The following WDPCP variants were observed in gnomAD, a reference collection of about 807,000 sequenced individuals.
WDPCP encodes WD repeat-containing and planar cell polarity effector protein fritz homolog.
A neutral mutation model predicts 93.1 loss-of-function variants in WDPCP; 71 were observed. That is an observed-to-expected ratio of 0.76 (90% CI 0.63 to 0.93). The LOEUF (loss-of-function observed/expected upper bound fraction) is 0.93, where lower values mean the gene tolerates loss of function less well. Among genes scored for constraint, WDPCP ranks in the 40% least tolerant of loss-of-function variants. The probability of loss-of-function intolerance (pLI) is 0.00; values close to 1 mark genes in which losing one functional copy is unlikely to be tolerated. For missense variants in WDPCP, 844 were observed against 887.4 expected (o/e 0.95, Z 0.62); for synonymous variants, 315 against 315.0 (o/e 1.00, Z 0.00).
intron 15 of WDPCP, among the ~76,000 whole-genome samples, chr2:63,160,032 A>G (rs1232679003): frequency 2.6e-5 from 4 of 152,164 alleles, no homozygotes; most frequent in Non-Finnish European, 5.9e-5. Context: ...ACTAAAGGAA[A>G]ACACACTAGT....
chr2:63,298,195 A>T (rs1230564326), intron 13 of WDPCP, among the ~76,000 whole-genome samples: 1 of 152,104 alleles, frequency 6.6e-6, no homozygotes, highest in Non-Finnish European at 1.5e-5. Flanking sequence ...GCCCATAACA[A>T]TCCCCAAGGG....
chr2:63,644,340 G>T (rs906423195), intron 3 of WDPCP, among the ~76,000 whole-genome samples: 1 of 151,394 alleles, frequency 6.6e-6, no homozygotes, highest in African/African-American at 2.4e-5. Context: ...CGCCTCCTGG[G>T]TTCAAGCAAT....
chr2:63,243,167 T>C lies in WDPCP; in HGVS notation c.1915+16140A>G, dbSNP rs201514385. 3.9e-5 allele frequency among the ~76,000 whole-genome samples: 6 copies of C among 152,278 alleles called. No individual in the cohort carries two copies. In the East Asian group the frequency reaches 1.2e-3, roughly 29 times the overall value. On this transcript the variant is annotated intron_variant, in intron 14 of 17. Transcript: ENST00000272321. ...TGCTAGAAATGACACAATATAAAAATACAGTCTTATTTAAGGGAAAACTTA... is the reference window on the plus strand; with the variant it reads ...TGCTAGAAATGACACAATATAAAAACACAGTCTTATTTAAGGGAAAACTTA...
intron 1 of WDPCP, among the ~76,000 whole-genome samples, chr2:63,553,876 A>G (rs1432558916): frequency 6.6e-6 from 1 of 152,220 alleles, no homozygotes; most frequent in Admixed American, 6.5e-5. Context: ...AAACACACAC[A>G]AATTTATTTC....
intron 1 of WDPCP, among the ~76,000 whole-genome samples, chr2:63,520,089 A>G (rs1269972050): frequency 6.6e-6 from 1 of 152,240 alleles, no homozygotes; most frequent in Non-Finnish European, 1.5e-5. Flanking sequence ...TCATAATTAA[A>G]TCACAAATAT....
chr2:63,782,821 G>A (rs1670415265), intron 2 of WDPCP, among the ~76,000 whole-genome samples: 1 of 151,236 alleles, frequency 6.6e-6, no homozygotes. Flanking sequence ...GGACAACCTG[G>A]AGCCATCACA....
chr2:63,415,069 C>T (rs1695314910), intron 9 of WDPCP, among the ~76,000 whole-genome samples: 1 of 152,042 alleles, frequency 6.6e-6, no homozygotes, highest in South Asian at 2.1e-4. Flanking sequence ...ATTAAAGATA[C>T]CATAAAAGTT....
intron 12 of WDPCP, among the ~76,000 whole-genome samples, chr2:63,342,658 C>T (rs1415744305): frequency 1.3e-5 from 2 of 152,094 alleles, no homozygotes; most frequent in African/African-American, 2.4e-5. Flanking sequence ...CTCTATCTAC[C>T]CTGTTATTAT....
intron 12 of WDPCP, among the ~76,000 whole-genome samples, chr2:63,325,586 C>G (rs571731786): frequency 1.3e-5 from 2 of 152,306 alleles, no homozygotes; most frequent in East Asian, 3.9e-4. Context: ...CGTTACCGTC[C>G]GAGAAATCCT....
chr2:63,274,667 T>C (rs922587716), intron 13 of WDPCP, among the ~76,000 whole-genome samples: 2 of 152,090 alleles, frequency 1.3e-5, no homozygotes, highest in Non-Finnish European at 2.9e-5. Context: ...TCTGAGACTT[T>C]TATGAACAAC....
intron 12 of WDPCP, among the ~76,000 whole-genome samples, chr2:63,355,254 A>C (rs1322993652): frequency 6.6e-6 from 1 of 152,200 alleles, no homozygotes; most frequent in Non-Finnish European, 1.5e-5. Flanking sequence ...CTCTCAGCTG[A>C]AACCTTACAG....
intron 3 of WDPCP, among the ~76,000 whole-genome samples, chr2:63,648,149 C>T (rs1303376732): frequency 1.3e-5 from 2 of 152,130 alleles, no homozygotes; most frequent in Non-Finnish European, 2.9e-5. Context: ...CAAAATCTGC[C>T]TCTCTGTATG....
rs555094507 is a variant in WDPCP at position 63,147,717 on chromosome 2, C to T, written c.2190+5197G>A. Among the ~76,000 whole-genome samples the T allele has an allele frequency of 3.9e-5, 6 of 152,150 alleles. No individual in the cohort carries two copies. The East Asian group carries it at 1.2e-3, about 29-fold the overall frequency. Reference sequence around the variant, plus strand: ...GGTGCGGTGGCTTATGCCTGTAATCCCAGCACTTTGGGGGGCCAAGGTGGG... The same window carrying T: ...GGTGCGGTGGCTTATGCCTGTAATCTCAGCACTTTGGGGGGCCAAGGTGGG... On this transcript the variant is annotated intron_variant, in intron 17 of 17. Coordinates refer to ENST00000272321, the MANE Select transcript of WDPCP (RefSeq NM_015910.7).
intron 1 of WDPCP, among the ~76,000 whole-genome samples, chr2:63,503,951 A>G (rs1485391903): frequency 1.3e-5 from 2 of 151,828 alleles, no homozygotes; most frequent in Admixed American, 1.3e-4. Flanking sequence ...AATAGAAAAG[A>G]TAGTGGAAAA....
At chr2:63,135,844 G>T (rs934862274) in intron 17 of WDPCP, among the ~76,000 whole-genome samples, 1 of 152,150 alleles carries the variant, frequency 6.6e-6, no homozygotes, top group African/African-American at 2.4e-5. Flanking sequence ...CAATGCTCCT[G>T]CCTCAGCCTT....
chr2:63,484,882 G>C, intron 5 of WDPCP, 35 bp downstream of exon 5: 1 of 1,605,766 alleles, frequency 6.2e-7, no homozygotes, highest in South Asian at 1.1e-5. Context: ...AAACAGATTT[G>C]TTTGTTGCCA....
At chr2:63,748,929 G>T (rs1162218067) in intron 2 of WDPCP, among the ~76,000 whole-genome samples, 26 of 151,984 alleles carry the variant, frequency 1.7e-4, no homozygotes. Context: ...ACAAGTCTGG[G>T]GTGCTCTAAT....
chr2:63,831,801 A>T (rs966966841), upstream of WDPCP, among the ~76,000 whole-genome samples: 3 of 152,174 alleles, frequency 2.0e-5, no homozygotes, highest in Non-Finnish European at 2.9e-5. Context: ...ACTGTAGAGG[A>T]AAAGCACATC....
At chr2:63,496,950 A>G (rs982598752) in intron 1 of WDPCP, among the ~76,000 whole-genome samples, 4 of 151,872 alleles carry the variant, frequency 2.6e-5, no homozygotes, top group African/African-American at 9.7e-5. Context: ...CATCTCTACT[A>G]AAAATACAAA....
Sources: allele counts gnomAD v4.1 joint callset (sites outside exome capture counted in the v4.1 genomes callset), GRCh38; gene constraint gnomAD v4.1.1; transcripts MANE v1.5; gene names NCBI Gene and HGNC (gene_info 2026-07-23, HGNC 2026-07-21).